Variants in MCHR2 observed in about 807,000 individuals in gnomAD.
MCHR2 encodes the protein melanin-concentrating hormone receptor 2.
In MCHR2, 15 loss-of-function variants were observed where a neutral mutation model predicts 24.8. That is an observed-to-expected ratio of 0.60 (90% CI 0.40 to 0.93). The LOEUF (loss-of-function observed/expected upper bound fraction) is 0.93, where lower values mean the gene tolerates loss of function less well. Among genes scored for constraint, MCHR2 ranks in the 40% least tolerant of loss-of-function variants. The probability of loss-of-function intolerance (pLI) is 0.00; values close to 1 mark genes in which losing one functional copy is unlikely to be tolerated. For synonymous variants in MCHR2, 151 were observed against 147.6 expected (o/e 1.02, Z -0.17); for missense variants, 386 against 408.7 (o/e 0.94, Z 0.48).
chr6:99,981,814 T>A (rs1775674815), intron 1 of MCHR2, among the ~76,000 whole-genome samples: 1 of 152,098 alleles, frequency 6.6e-6, no homozygotes, highest in Non-Finnish European at 1.5e-5. Flanking sequence ...TAAGAAACAG[T>A]CGGTGATTAA....
At chr6:99,930,260 C>G (rs1774485893) in intron 5 of MCHR2, among the ~76,000 whole-genome samples, 1 of 152,016 alleles carries the variant, frequency 6.6e-6, no homozygotes, top group Non-Finnish European at 1.5e-5. Flanking sequence ...TTCTCTCTGG[C>G]TGCCCTTAAC....
intron 4 of MCHR2, 31 bp from the exon 5 acceptor site, chr6:99,934,548 G>T: frequency 6.9e-7 from 1 of 1,447,072 alleles, no homozygotes; most frequent in Non-Finnish European, 9.3e-7. Flanking sequence ...GAGAGAGAGA[G>T]AAAGAACAAC....
Position 99,920,887 on chromosome 6 carries a change from A to C in MCHR2, c.*53T>G, listed in dbSNP as rs1010155751. 20 of 1,549,270 alleles carry C rather than the reference A, an allele frequency of 1.3e-5. No individual in the cohort carries two copies. Among genetic ancestry groups the C allele is most frequent in the Non-Finnish European group, 1.6e-5 (18 of 1,134,594 alleles). The stretch of plus-strand genomic sequence containing the variant: ...ATCGGTACACCTGCCCTTTCTGATA[A>C]TACCAGTAAGATAGACAATCATGTC... On this transcript the variant is annotated 3_prime_UTR_variant, in exon 6 of 6. Transcript: ENST00000281806.
intron 4 of MCHR2, among the ~76,000 whole-genome samples, chr6:99,942,451 A>T (rs1167841552): frequency 2.0e-5 from 3 of 152,152 alleles, no homozygotes; most frequent in Admixed American, 2.0e-4. Context: ...GACAATAGTC[A>T]TTGGGCCCAC....
chr6:99,979,926 G>C (rs972545961), intron 1 of MCHR2, among the ~76,000 whole-genome samples: 4 of 152,140 alleles, frequency 2.6e-5, no homozygotes, highest in Non-Finnish European at 4.4e-5. Flanking sequence ...AAATTCAGAA[G>C]AAAAAAATTT....
At chr6:99,929,672 T>A (rs1396617901) in intron 5 of MCHR2, among the ~76,000 whole-genome samples, 1 of 152,160 alleles carries the variant, frequency 6.6e-6, no homozygotes, top group East Asian at 1.9e-4. Context: ...CCTGCCTTTT[T>A]TTGTTTTCCA....
Position 99,969,906 on chromosome 6 carries a change from G to A in MCHR2, c.-27-13732C>T, listed in dbSNP as rs541411185. ...GGACATGAACTCTTCATTTTTTATG[G>A]CTGCATAGTATTCCATGGTGTATAT... On this transcript the variant is annotated intron_variant, in intron 1 of 5. Transcript: ENST00000281806. Among the ~76,000 whole-genome samples, 27 of 149,794 alleles carry A rather than the reference G, an allele frequency of 1.8e-4. 1 individual carries two copies. In the East Asian group the frequency reaches 5.3e-3, roughly 29 times the overall value.
intron 1 of MCHR2, among the ~76,000 whole-genome samples, chr6:99,979,268 G>A (rs2114584092): frequency 6.6e-6 from 1 of 152,276 alleles, no homozygotes; most frequent in South Asian, 2.1e-4. Context: ...CGCAAGGAAA[G>A]AATCTGTCCC....
chr6:99,982,467 G>GAAAAAAAAA lies in MCHR2; in HGVS notation c.-28+11460_-28+11468dup, dbSNP rs1196029682. Among the ~76,000 whole-genome samples, 7 of 46,634 alleles carry GAAAAAAAAA rather than the reference G, an allele frequency of 1.5e-4. 1 individual carries two copies. Among genetic ancestry groups the GAAAAAAAAA allele is most frequent in the East Asian group, 7.3e-4 (1 of 1,372 alleles). 30.6% of individuals were successfully genotyped at this position (46,634 alleles called of 152,430 possible). The stretch of plus-strand genomic sequence containing the variant: ...AATATGGAGAAACCTTGTCTGTACA[G>GAAAAAAAAA]AAAAAAAAAAAAAAAAAAAAAAAAA... On this transcript the variant is annotated intron_variant, in intron 1 of 5. Coordinates refer to ENST00000281806, the MANE Select transcript of MCHR2 (RefSeq NM_001040179.2).
chr6:99,970,112 C>G (rs111281205), intron 1 of MCHR2, among the ~76,000 whole-genome samples: 23,230 of 150,374 alleles, frequency 0.15, 1,922 homozygotes, highest in African/African-American at 0.19. Context: ...ATTTCTAGTT[C>G]TAGATCCCTG....
At chr6:99,927,529 C>T (rs1774395448) in intron 5 of MCHR2, among the ~76,000 whole-genome samples, 1 of 152,020 alleles carries the variant, frequency 6.6e-6, no homozygotes, top group African/African-American at 2.4e-5. Flanking sequence ...TGGTTTGTAG[C>T]TCTCCTTGAA....
intron 4 of MCHR2, among the ~76,000 whole-genome samples, chr6:99,936,901 A>G (rs1562120710): frequency 6.6e-6 from 1 of 151,656 alleles, no homozygotes; most frequent in Non-Finnish European, 1.5e-5. Context: ...AGAGTTTTAT[A>G]GTTTTCCTTG....
chr6:99,937,621 AG>A (rs1774689179), intron 4 of MCHR2, among the ~76,000 whole-genome samples: 1 of 151,734 alleles, frequency 6.6e-6, no homozygotes, highest in Non-Finnish European at 1.5e-5. Context: ...TATTTTGTTA[AG>A]GATTTTTGCA....
chr6:99,957,642 C>A (rs561243965), intron 1 of MCHR2, among the ~76,000 whole-genome samples: 10 of 151,716 alleles, frequency 6.6e-5, no homozygotes, highest in Admixed American at 2.0e-4. Context: ...TTACGTAACT[C>A]TAAGAGAATT....
chr6:99,947,993 G>C, intron 2 of MCHR2, 22 bp from the exon 3 acceptor site: 1 of 1,597,552 alleles, frequency 6.3e-7, no homozygotes. Context: ...AGAGGAAACT[G>C]AGGATTGACA....
chr6:99,927,662 C>A (rs1469448650), intron 5 of MCHR2, among the ~76,000 whole-genome samples: 1 of 151,764 alleles, frequency 6.6e-6, no homozygotes, highest in Non-Finnish European at 1.5e-5. Context: ...TATAAGAATG[C>A]TTGTGATTTT....
At chr6:99,946,818 G>A (rs1774880449) in intron 3 of MCHR2, among the ~76,000 whole-genome samples, 2 of 152,146 alleles carry the variant, frequency 1.3e-5, no homozygotes, top group African/African-American at 4.8e-5. Context: ...TTTTAAGTGG[G>A]TTGTCCTAGA....
chr6:99,958,570 C>T (rs12717189), intron 1 of MCHR2, among the ~76,000 whole-genome samples: 62,997 of 151,860 alleles, frequency 0.41, 13,539 homozygotes, highest in East Asian at 0.75. Flanking sequence ...AAGACACCAT[C>T]AAGATGGTAA....
At chr6:99,922,118 T>A (rs1774248200) in intron 5 of MCHR2, among the ~76,000 whole-genome samples, 1 of 151,360 alleles carries the variant, frequency 6.6e-6, no homozygotes, top group South Asian at 2.1e-4. Flanking sequence ...TTTTTTTTTT[T>A]TTTTTTGAGA....
Sources: gnomAD v4.1 joint callset for allele counts (sites outside exome capture counted in the v4.1 genomes callset) on GRCh38, gnomAD v4.1.1 for gene constraint, MANE v1.5 for transcripts, NCBI Gene and HGNC (gene_info 2026-07-23, HGNC 2026-07-21) for gene names.